Variants in SLC8A1 observed in about 807,000 individuals in gnomAD.
SLC8A1 encodes the protein sodium/calcium exchanger 1.
A neutral mutation model predicts 68.3 loss-of-function variants in SLC8A1; 18 were observed. That is an observed-to-expected ratio of 0.26 (90% confidence interval 0.18 to 0.39). SLC8A1 has a LOEUF of 0.39. Among genes scored for constraint, SLC8A1 ranks in the 10% least tolerant of loss-of-function variants. SLC8A1 has a pLI of 1.00. For synonymous variants in SLC8A1, 475 were observed against 415.5 expected (o/e 1.14, Z -1.74); for missense variants, 985 against 1,156.7 (o/e 0.85, Z 2.15).
chr2:40,211,174 T>C (rs2148776664), intron 2 of SLC8A1, among the ~76,000 whole-genome samples: 1 of 152,354 alleles, frequency 6.6e-6, no homozygotes, highest in South Asian at 2.1e-4. Context: ...ACAACAACCT[T>C]GCTCATCTCT....
intron 2 of SLC8A1, among the ~76,000 whole-genome samples, chr2:40,259,926 T>C (rs548849058): frequency 6.6e-6 from 1 of 152,168 alleles, no homozygotes; most frequent in Non-Finnish European, 1.5e-5. Context: ...TCTCACTAGA[T>C]GGCACTTAGG....
chr2:40,194,037 C>T (rs1287171654), intron 2 of SLC8A1, among the ~76,000 whole-genome samples: 1 of 152,102 alleles, frequency 6.6e-6, no homozygotes, highest in African/African-American at 2.4e-5. Context: ...CTGCCAAGAT[C>T]AATTTCTTGT....
At chr2:40,251,600 T>G (rs1473058106) in intron 2 of SLC8A1, 1 of 152,174 alleles carries the variant, frequency 6.6e-6, no homozygotes, top group East Asian at 1.9e-4. Context: ...ACTTTAACCC[T>G]TGCAATTTGA....
At chr2:40,497,584 A>T (rs1241226063) in intron 1 of SLC8A1, among the ~76,000 whole-genome samples, 1 of 151,966 alleles carries the variant, frequency 6.6e-6, no homozygotes, top group Non-Finnish European at 1.5e-5. Flanking sequence ...AAAAGGAGGG[A>T]AAAAAGCACT....
chr2:40,333,499 G>C (rs1314962229), intron 2 of SLC8A1, among the ~76,000 whole-genome samples: 1 of 150,116 alleles, frequency 6.7e-6, no homozygotes, highest in Non-Finnish European at 1.5e-5. Flanking sequence ...TCCCAAGCTA[G>C]CATAAGAATG....
chr2:40,205,648 A>G (rs1447131040), intron 2 of SLC8A1, among the ~76,000 whole-genome samples: 3 of 151,974 alleles, frequency 2.0e-5, no homozygotes, highest in African/African-American at 7.2e-5. Flanking sequence ...GGCCTTTCAA[A>G]TGGTGGAAGG....
intron 7 of SLC8A1, among the ~76,000 whole-genome samples, chr2:40,120,480 T>A (rs1021812442): frequency 1.3e-5 from 2 of 152,232 alleles, no homozygotes; most frequent in Admixed American, 1.3e-4. Context: ...TTTTTTAGAT[T>A]GCAGTTTCCT....
intron 2 of SLC8A1, among the ~76,000 whole-genome samples, chr2:40,287,637 GGCATCTTA>G (rs1488967045): frequency 5.0e-4 from 50 of 99,030 alleles, no homozygotes; most frequent in African/African-American, 1.9e-3. Context: ...GGGACAAGGG[GGCATCTTA>G]GCTCAAGCTT....
intron 2 of SLC8A1, among the ~76,000 whole-genome samples, chr2:40,391,789 G>C (rs1559498402): frequency 1.3e-5 from 2 of 151,978 alleles, no homozygotes; most frequent in African/African-American, 4.8e-5. Context: ...AAATCAGGTA[G>C]ACAAAAAGTG....
chr2:40,300,526 T>C (rs1318164987), intron 2 of SLC8A1, among the ~76,000 whole-genome samples: 1 of 152,196 alleles, frequency 6.6e-6, no homozygotes, highest in East Asian at 1.9e-4. Context: ...TGCCTCAGCG[T>C]AAGTCTGAAA....
At position 40,400,007 on chromosome 2, in the gene SLC8A1, A is replaced by G. The variant is rs113375251; in HGVS notation, c.1808+28466T>C. On this transcript the variant is annotated intron_variant, in intron 2 of 7. Coordinates refer to ENST00000406785, the Ensembl canonical transcript of SLC8A1. ...GACATTGTATAGAAAAGCACTGTGA[A>G]AATCCCTATCCTGTTTTGTTCTGAT... Among the ~76,000 whole-genome samples, 624 of 152,320 alleles carry G rather than the reference A, an allele frequency of 4.1e-3. 2 individuals carry two copies. The highest frequency in any genetic ancestry group is 0.014 in the African/African-American group (587 of 41,572).
At chr2:40,443,545 G>C (rs1036875006) in intron 1 of SLC8A1, among the ~76,000 whole-genome samples, 1 of 152,164 alleles carries the variant, frequency 6.6e-6, no homozygotes, top group African/African-American at 2.4e-5. Context: ...ATGAGATCAT[G>C]TTTGGAAGGG....
intron 1 of SLC8A1, among the ~76,000 whole-genome samples, chr2:40,447,982 T>C (rs1031030609): frequency 6.6e-6 from 1 of 152,214 alleles, no homozygotes; most frequent in Non-Finnish European, 1.5e-5. Context: ...GTCTACACTC[T>C]TGGCTGGGCA....
chr2:40,378,250 T>C lies in SLC8A1; in HGVS notation c.1808+50223A>G, dbSNP rs1242221908. Among the ~76,000 whole-genome samples, 4 of 152,156 alleles carry C rather than the reference T, an allele frequency of 2.6e-5. No individual in the cohort carries two copies. The East Asian group carries it at 7.7e-4, about 29-fold the overall frequency. On this transcript the variant is annotated intron_variant, in intron 2 of 7. Transcript: ENST00000406785. ...GAAGGACATGGGAGCTGCAATTTCC[T>C]GGATTTCAGGAAGATCTCTTGCAGA...
intron 2 of SLC8A1, among the ~76,000 whole-genome samples, chr2:40,261,379 T>C (rs565092532): frequency 1.5e-4 from 23 of 152,192 alleles, no homozygotes; most frequent in Non-Finnish European, 2.1e-4. Flanking sequence ...GGTTTCTCTT[T>C]TGTACCAAGC....
At chr2:40,456,177 G>T (rs1288123064), upstream of SLC8A1, among the ~76,000 whole-genome samples, 2 of 152,064 alleles carry the variant, frequency 1.3e-5, no homozygotes, top group African/African-American at 4.8e-5. Flanking sequence ...TTAGCCGGGC[G>T]TGGTGGCGGG....
intron 2 of SLC8A1, among the ~76,000 whole-genome samples, chr2:40,409,206 G>C (rs1014604890): frequency 6.6e-6 from 1 of 152,168 alleles, no homozygotes; most frequent in Non-Finnish European, 1.5e-5. Flanking sequence ...TCATGTAAAA[G>C]AACCTATTAG....
chr2:40,504,271 C>T (rs1321849589), intron 1 of SLC8A1, among the ~76,000 whole-genome samples: 4 of 151,974 alleles, frequency 2.6e-5, no homozygotes, highest in Non-Finnish European at 4.4e-5. Context: ...AAGAATGAAA[C>T]TGGACCTCTG....
At chr2:40,119,196 TAA>T (rs950292412) in intron 7 of SLC8A1, among the ~76,000 whole-genome samples, 10 of 152,212 alleles carry the variant, frequency 6.6e-5, no homozygotes, top group African/African-American at 2.2e-4. Flanking sequence ...TTGAATTTCC[TAA>T]GAGTTAATAG....
Sources: allele counts gnomAD v4.1 joint callset (sites outside exome capture counted in the v4.1 genomes callset), GRCh38; gene constraint gnomAD v4.1.1; transcripts MANE v1.5; gene names NCBI Gene and HGNC (gene_info 2026-07-23, HGNC 2026-07-21).